Variants in AGAP1 observed in about 807,000 individuals in gnomAD.
AGAP1 encodes the protein ArfGAP with GTPase domain, ankyrin repeat and PH domain 1.
A neutral mutation model predicts 105.3 loss-of-function variants in AGAP1; 29 were observed. That is an observed-to-expected ratio of 0.28 (90% CI 0.21 to 0.38). AGAP1 has a LOEUF of 0.38. Ranked by LOEUF, AGAP1 falls within the 10% of genes least tolerant of loss-of-function variation. AGAP1 has a pLI of 1.00. For synonymous variants in AGAP1, 509 were observed against 485.9 expected (o/e 1.05, Z -0.63); for missense variants, 998 against 1,165.1 (o/e 0.86, Z 2.09).
At chr2:236,099,908 C>T (rs1163640305) in intron 16 of AGAP1, among the ~76,000 whole-genome samples, 1 of 152,202 alleles carries the variant, frequency 6.6e-6, no homozygotes, top group Non-Finnish European at 1.5e-5. Flanking sequence ...AGCATGGTGG[C>T]ATGTGCCTGT....
intron 11 of AGAP1, among the ~76,000 whole-genome samples, chr2:235,926,548 AT>A (rs1160070976): frequency 6.6e-6 from 1 of 152,098 alleles, no homozygotes; most frequent in African/African-American, 2.4e-5. Flanking sequence ...ACCCTGTGTA[AT>A]TTTTTTTAGT....
At chr2:235,656,113 C>T (rs933967770) in intron 1 of AGAP1, among the ~76,000 whole-genome samples, 1 of 152,190 alleles carries the variant, frequency 6.6e-6, no homozygotes, top group African/African-American at 2.4e-5. Context: ...TTCTGATTGG[C>T]CTCAGGGGGC....
intron 12 of AGAP1, among the ~76,000 whole-genome samples, chr2:235,941,524 A>T (rs962636847): frequency 4.6e-5 from 7 of 152,152 alleles, no homozygotes; most frequent in Non-Finnish European, 8.8e-5. Flanking sequence ...GAAAAGTAAA[A>T]TGAGGGTGAG....
chr2:236,079,564 A>G (rs1323726783), intron 16 of AGAP1, among the ~76,000 whole-genome samples: 1 of 151,586 alleles, frequency 6.6e-6, no homozygotes, highest in Non-Finnish European at 1.5e-5. Flanking sequence ...ACACACACAC[A>G]CACACATACA....
intron 9 of AGAP1, among the ~76,000 whole-genome samples, chr2:235,854,160 C>T (rs2048589221): frequency 6.6e-6 from 1 of 152,166 alleles, no homozygotes; most frequent in Non-Finnish European, 1.5e-5. Flanking sequence ...CTCCCCTTGT[C>T]TTCCCGGGCT....
chr2:235,823,652 A>C (rs926920069), intron 9 of AGAP1, among the ~76,000 whole-genome samples: 4 of 152,244 alleles, frequency 2.6e-5, no homozygotes, highest in Non-Finnish European at 5.9e-5. Context: ...TCTCAAAAAA[A>C]TAGAAATAAC....
chr2:236,124,065 G>A lies in AGAP1; in HGVS notation c.2517G>A (p.Leu839=), dbSNP rs151000215. The A allele has an allele frequency of 6.8e-6, 11 of 1,613,982 alleles. No homozygotes were observed. Among genetic ancestry groups the A allele is most frequent in the African/African-American group, 1.3e-5 (1 of 74,916 alleles). ...ERFVLMATPN[L]SRRNNNRNNS... Reference sequence around the variant, plus strand: ...TCGTGCTCATGGCCACCCCTAACCTGTCCAGGAGAAACAATAACCGGAACA... The same window carrying A: ...TCGTGCTCATGGCCACCCCTAACCTATCCAGGAGAAACAATAACCGGAACA... The change falls in exon 18 of 18, where the codon CTG becomes CTA. Residue 839 remains leucine, a synonymous_variant. Transcript: ENST00000304032. The surrounding 1 kb of genome is among the most constrained non-coding windows in gnomAD (Gnocchi z 5.1).
chr2:235,581,230 C>G (rs1388251017), intron 1 of AGAP1, among the ~76,000 whole-genome samples: 1 of 150,434 alleles, frequency 6.6e-6, no homozygotes, highest in Non-Finnish European at 1.5e-5. Flanking sequence ...TCACTTGAAC[C>G]TGGGAGGCAG....
intron 1 of AGAP1, among the ~76,000 whole-genome samples, chr2:235,687,882 T>A (rs1319455512): frequency 6.7e-6 from 1 of 149,096 alleles, no homozygotes; most frequent in Admixed American, 6.8e-5. Flanking sequence ...TTTTTCTTCT[T>A]AATCGCCGCT....
At position 235,549,685 on chromosome 2, in the gene AGAP1, A is replaced by C. The variant is rs1293867437; in HGVS notation, c.163+54836A>C. On this transcript the variant is annotated intron_variant, in intron 1 of 17. Coordinates refer to ENST00000304032, the MANE Select transcript of AGAP1 (RefSeq NM_001037131.3). This position sits in a 1 kb window ranked among gnomAD's most constrained non-coding sequence, Gnocchi z 4.2. ...TACTGTTCACGTTTTAGCACCTGGC[A>C]AATGTATTGATACTTTACGAGCATT... Among the ~76,000 whole-genome samples the C allele has an allele frequency of 1.3e-5, 2 of 152,244 alleles. No individual in the cohort carries two copies. The highest frequency in any genetic ancestry group is 2.9e-5 in the Non-Finnish European group (2 of 68,036).
Position 235,609,129 on chromosome 2 carries a change from G to A in AGAP1, c.164-100050G>A, listed in dbSNP as rs904714113. 5.3e-5 allele frequency among the ~76,000 whole-genome samples: 8 copies of A among 152,132 alleles called. No individual in the cohort carries two copies. Among genetic ancestry groups the A allele is most frequent in the African/African-American group, 1.9e-4 (8 of 41,420 alleles). ...GGGCTGATGAATTTGTTTCCTTCTT[G>A]CCTTATTTTTGGCAGTTTTCTTTCT... On this transcript the variant is annotated intron_variant, in intron 1 of 17. Transcript: ENST00000304032. The surrounding 1 kb of genome is among the most constrained non-coding windows in gnomAD (Gnocchi z 5.1).
chr2:235,541,749 T>C (rs1943449761), intron 1 of AGAP1, among the ~76,000 whole-genome samples: 1 of 152,242 alleles, frequency 6.6e-6, no homozygotes, highest in African/African-American at 2.4e-5. Flanking sequence ...TATCTCATTA[T>C]GTATATAATG....
chr2:235,644,078 A>T (rs559099829), intron 1 of AGAP1, among the ~76,000 whole-genome samples: 56 of 152,256 alleles, frequency 3.7e-4, no homozygotes, highest in Admixed American at 1.3e-4. Context: ...AGCAGCCTTC[A>T]CGTTCTGGAA....
chr2:235,818,442 T>G (rs533877539), intron 9 of AGAP1, among the ~76,000 whole-genome samples: 13 of 152,216 alleles, frequency 8.5e-5, no homozygotes, highest in South Asian at 2.1e-4. Context: ...ACCGTCTTTT[T>G]TTTGTTTGTT....
At chr2:235,881,004 G>T (rs2049995217) in intron 9 of AGAP1, among the ~76,000 whole-genome samples, 1 of 152,192 alleles carries the variant, frequency 6.6e-6, no homozygotes, top group African/African-American at 2.4e-5. Context: ...TAGCGATTTA[G>T]ATTCCAAGAA....
chr2:235,655,585 C>T lies in AGAP1; in HGVS notation c.164-53594C>T, dbSNP rs557189441. On this transcript the variant is annotated intron_variant, in intron 1 of 17. Transcript: ENST00000304032. The surrounding 1 kb of genome is among the most constrained non-coding windows in gnomAD (Gnocchi z 4.3). ...TCTAACCTGTGTTGAGTACCTGTAT[C>T]TGATGAGTTAGTAGCTGTGAAAACG... Among the ~76,000 whole-genome samples the T allele has an allele frequency of 6.6e-6, 1 of 152,296 alleles. No homozygotes were observed. The highest frequency in any genetic ancestry group is 2.4e-5 in the African/African-American group (1 of 41,554).
Position 236,119,652 on chromosome 2 carries a change from C to T in AGAP1, c.2115-540C>T, listed in dbSNP as rs1467232948. ...GTCCTGCTTACAGTAAAGCAACTCTCGGCCCCAGAGACCATGCTTCCATCG... is the reference window on the plus strand; with the variant it reads ...GTCCTGCTTACAGTAAAGCAACTCTTGGCCCCAGAGACCATGCTTCCATCG... On this transcript the variant is annotated intron_variant, in intron 16 of 17. Coordinates refer to ENST00000304032, the MANE Select transcript of AGAP1 (RefSeq NM_001037131.3). This position sits in a 1 kb window ranked among gnomAD's most constrained non-coding sequence, Gnocchi z 6.6. Among the ~76,000 whole-genome samples the T allele has an allele frequency of 6.6e-6, 1 of 151,448 alleles. No individual in the cohort carries two copies. Among genetic ancestry groups the T allele is most frequent in the Non-Finnish European group, 1.5e-5 (1 of 67,892 alleles).
rs1433734224 is a variant in AGAP1, at chr2:235,769,333, T to C, written c.673+18845T>C. Among the ~76,000 whole-genome samples the C allele has an allele frequency of 6.6e-6, 1 of 152,250 alleles. No homozygotes were observed. Among genetic ancestry groups the C allele is most frequent in the Non-Finnish European group, 1.5e-5 (1 of 68,044 alleles). On this transcript the variant is annotated intron_variant, in intron 6 of 17. Transcript: ENST00000304032. The surrounding 1 kb of genome is among the most constrained non-coding windows in gnomAD (Gnocchi z 4.4). Reference sequence around the variant, plus strand: ...CTGCTGAGTGGGGCGTGCCCAACTCTTTCTGCTTTGAGTTTTCTTTTTCCT... The same window carrying C: ...CTGCTGAGTGGGGCGTGCCCAACTCCTTCTGCTTTGAGTTTTCTTTTTCCT...
chr2:235,956,007 T>G (rs2053932644), intron 12 of AGAP1, among the ~76,000 whole-genome samples: 1 of 152,232 alleles, frequency 6.6e-6, no homozygotes, highest in Admixed American at 6.5e-5. Flanking sequence ...GAAATGTATG[T>G]GATCAAAGAG....
Sources: gnomAD v4.1 joint callset for allele counts (sites outside exome capture counted in the v4.1 genomes callset) on GRCh38, gnomAD v4.1.1 for gene constraint, Gnocchi (gnomAD v3.1) non-coding constraint, MANE v1.5 for transcripts, NCBI Gene and HGNC (gene_info 2026-07-23, HGNC 2026-07-21) for gene names.